Variants in GRM8 observed in about 807,000 individuals in gnomAD.
GRM8 encodes the protein metabotropic glutamate receptor 8.
Under a neutral mutation model 87.2 loss-of-function variants are expected in GRM8, and 47 were observed. The observed-to-expected ratio is 0.54, with a 90% CI of 0.43 to 0.69. The LOEUF (loss-of-function observed/expected upper bound fraction) is 0.69. Among genes scored for constraint, GRM8 ranks in the 30% least tolerant of loss-of-function variants. The pLI, the probability that GRM8 is intolerant of heterozygous loss-of-function variation, is 0.00. For missense variants in GRM8, 1,019 were observed against 1,139.2 expected, an observed-to-expected ratio of 0.89 and a Z score of 1.52; for synonymous variants, 396 against 404.5, an observed-to-expected ratio of 0.98 and a Z score of 0.25.
At chr7:126,814,702 C>CTT (rs35666218) in intron 6 of GRM8, among the ~76,000 whole-genome samples, 1 of 147,946 alleles carries the variant, frequency 6.8e-6, no homozygotes, top group African/African-American at 2.5e-5. Context: ...TTCTTTTTCT[C>CTT]TTTTTTTTTT....
chr7:126,652,400 T>C (rs894340436), intron 7 of GRM8, among the ~76,000 whole-genome samples: 3 of 152,170 alleles, frequency 2.0e-5, no homozygotes, highest in South Asian at 2.1e-4. Context: ...CTTGATTGGA[T>C]TGAAGGATGC....
intron 3 of GRM8, among the ~76,000 whole-genome samples, chr7:127,102,468 G>T (rs1290619016): frequency 1.3e-5 from 2 of 152,156 alleles, no homozygotes; most frequent in African/African-American, 2.4e-5. Flanking sequence ...CCTTTCATGG[G>T]CCAGGTCCAG....
At chr7:126,621,248 A>G (rs762994156) in intron 7 of GRM8, among the ~76,000 whole-genome samples, 1 of 152,208 alleles carries the variant, frequency 6.6e-6, no homozygotes, top group Non-Finnish European at 1.5e-5. Context: ...TCTTACATGT[A>G]TCAATTACTC....
chr7:126,895,562 T>G (rs1408796997), intron 6 of GRM8, among the ~76,000 whole-genome samples: 3 of 152,098 alleles, frequency 2.0e-5, no homozygotes, highest in Non-Finnish European at 4.4e-5. Context: ...TGCTTTAAAA[T>G]AGATATTTTT....
At chr7:126,686,743 A>C (rs762061566) in intron 7 of GRM8, among the ~76,000 whole-genome samples, 1 of 152,224 alleles carries the variant, frequency 6.6e-6, no homozygotes, top group Non-Finnish European at 1.5e-5. Context: ...CCAGTAGTGT[A>C]AGCCAAGTGC....
intron 6 of GRM8, among the ~76,000 whole-genome samples, chr7:126,848,604 T>C (rs76191638): frequency 0.022 from 3,375 of 152,184 alleles, 137 homozygotes; most frequent in African/African-American, 0.077. Context: ...GCAGATCACT[T>C]GTGGCCAGAA....
chr7:126,978,985 C>T (rs1586656454), intron 3 of GRM8, among the ~76,000 whole-genome samples: 1 of 152,310 alleles, frequency 6.6e-6, no homozygotes, highest in East Asian at 1.9e-4. Context: ...CTTTATCTTG[C>T]TAAATATAAT....
chr7:126,805,987 C>A (rs950383146), intron 6 of GRM8, among the ~76,000 whole-genome samples: 1 of 152,138 alleles, frequency 6.6e-6, no homozygotes, highest in Admixed American at 6.5e-5. Flanking sequence ...TTTTGGGGTC[C>A]TGAAGTTTTG....
chr7:126,544,618 C>T (rs1816929029), intron 8 of GRM8, among the ~76,000 whole-genome samples: 1 of 152,126 alleles, frequency 6.6e-6, no homozygotes, highest in Non-Finnish European at 1.5e-5. Context: ...TCAGACGATT[C>T]TCCTGCCTCA....
At chr7:127,192,519 C>T (rs1795078913) in intron 2 of GRM8, among the ~76,000 whole-genome samples, 1 of 152,190 alleles carries the variant, frequency 6.6e-6, no homozygotes, top group Non-Finnish European at 1.5e-5. Context: ...TCTGCTCTCA[C>T]CCGATAGGTT....
intron 3 of GRM8, among the ~76,000 whole-genome samples, chr7:127,035,629 GTGATGAGCATCAGACTCCA>G: frequency 6.6e-6 from 1 of 152,158 alleles, no homozygotes; most frequent in Admixed American, 6.5e-5. Context: ...CTTCAGCACA[GTGATGAGCATCAGACTCCA>G]CATAGTGTGA....
chr7:126,446,435 A>G, intron 9 of GRM8, 63 bp from the exon 10 acceptor site: 1 of 1,096,502 alleles, frequency 9.1e-7, no homozygotes, highest in Non-Finnish European at 1.3e-6. Context: ...TAAAGCAAAT[A>G]ACATACTATT....
At chr7:126,771,744 A>G (rs532721807) in intron 6 of GRM8, among the ~76,000 whole-genome samples, 1 of 152,180 alleles carries the variant, frequency 6.6e-6, no homozygotes, top group East Asian at 1.9e-4. Context: ...CTGCTTCCAT[A>G]TCAAACAATA....
chr7:127,066,654 A>G (rs1429834869), intron 3 of GRM8, among the ~76,000 whole-genome samples: 1 of 152,148 alleles, frequency 6.6e-6, no homozygotes, highest in Admixed American at 6.6e-5. Context: ...TTTGTATTGG[A>G]AACATTCAAT....
chr7:126,479,769 C>CAGAT (rs541481055), intron 9 of GRM8, among the ~76,000 whole-genome samples: 135 of 110,086 alleles, frequency 1.2e-3, no homozygotes, highest in South Asian at 2.2e-3. Context: ...GACAGACAGA[C>CAGAT]AGATAGATAG....
chr7:127,064,708 A>T (rs553077729), intron 3 of GRM8, among the ~76,000 whole-genome samples: 2 of 152,342 alleles, frequency 1.3e-5, no homozygotes, highest in African/African-American at 4.8e-5. Context: ...TGGGCAAAGG[A>T]CATGAACAGA....
chr7:127,124,430 C>G (rs992236103), intron 2 of GRM8, among the ~76,000 whole-genome samples: 1 of 152,148 alleles, frequency 6.6e-6, no homozygotes, highest in Non-Finnish European at 1.5e-5. Context: ...TCCTACCCCT[C>G]TAGATATTCC....
chr7:127,084,934 G>A (rs1286372621), intron 3 of GRM8: 1 of 152,166 alleles, frequency 6.6e-6, no homozygotes, highest in African/African-American at 2.4e-5. Context: ...ATTTACATTA[G>A]GTGTTTCTCC....
At chr7:126,581,911 A>G (rs1299666948) in intron 8 of GRM8, among the ~76,000 whole-genome samples, 1 of 152,148 alleles carries the variant, frequency 6.6e-6, no homozygotes, top group Non-Finnish European at 1.5e-5. Context: ...TGACTGCTCA[A>G]TGAACCCCCT....
Sources: allele counts gnomAD v4.1 joint callset (sites outside exome capture counted in the v4.1 genomes callset), GRCh38; gene constraint gnomAD v4.1.1; transcripts MANE v1.5; gene names NCBI Gene and HGNC (gene_info 2026-07-23, HGNC 2026-07-21).